The following FSTL5 variants were observed in gnomAD, a reference collection of about 807,000 sequenced individuals.
FSTL5 encodes follistatin-related protein 5.
A neutral mutation model predicts 89.1 loss-of-function variants in FSTL5; 62 were observed. The observed-to-expected ratio is 0.70, with a 90% CI of 0.57 to 0.86. FSTL5 has a LOEUF of 0.86. FSTL5 is among the 40% of genes least tolerant of loss of function. The pLI is 0.00. For synonymous variants in FSTL5, 383 were observed against 346.2 expected, an observed-to-expected ratio of 1.11 and a Z score of -1.18; for missense variants, 1,057 against 1,001.6, an observed-to-expected ratio of 1.06 and a Z score of -0.75.
chr4:161,433,488 A>G (rs944935232), intron 15 of FSTL5, among the ~76,000 whole-genome samples: 1 of 152,110 alleles, frequency 6.6e-6, no homozygotes, highest in African/African-American at 2.4e-5. Flanking sequence ...CCTTTCCTCT[A>G]AGAGCTGAAA....
chr4:161,842,346 C>T (rs9308038), intron 4 of FSTL5, among the ~76,000 whole-genome samples: 1 of 151,952 alleles, frequency 6.6e-6, no homozygotes, highest in Non-Finnish European at 1.5e-5. Flanking sequence ...AAAATGAACA[C>T]CAGTATAATC....
chr4:161,794,281 T>C (rs770131141), intron 4 of FSTL5, among the ~76,000 whole-genome samples: 5 of 152,112 alleles, frequency 3.3e-5, no homozygotes, highest in Non-Finnish European at 7.4e-5. Context: ...ACAGACCCAG[T>C]TTCAGACTTT....
chr4:162,011,052 C>A (rs1001297080), intron 3 of FSTL5, among the ~76,000 whole-genome samples: 1 of 152,064 alleles, frequency 6.6e-6, no homozygotes, highest in African/African-American at 2.4e-5. Flanking sequence ...AACATCAGAA[C>A]AGTTTACAGA....
chr4:161,579,924 G>C (rs542342083), intron 8 of FSTL5, among the ~76,000 whole-genome samples: 1 of 152,114 alleles, frequency 6.6e-6, no homozygotes, highest in Admixed American at 6.5e-5. Flanking sequence ...TGGTTCTTTG[G>C]ACTTTGCATG....
intron 3 of FSTL5, among the ~76,000 whole-genome samples, chr4:161,954,491 C>T (rs1487135613): frequency 6.7e-6 from 1 of 149,224 alleles, no homozygotes; most frequent in Non-Finnish European, 1.5e-5. Flanking sequence ...CTTCAGACCA[C>T]CCATTGCATA....
chr4:161,461,369 G>A (rs1407228747), intron 13 of FSTL5, among the ~76,000 whole-genome samples: 5 of 146,240 alleles, frequency 3.4e-5, no homozygotes, highest in Non-Finnish European at 7.5e-5. Context: ...GGCTGAGGCA[G>A]GAGAATGGCA....
chr4:161,839,567 C>T (rs1366699328), intron 4 of FSTL5, among the ~76,000 whole-genome samples: 1 of 151,936 alleles, frequency 6.6e-6, no homozygotes. Flanking sequence ...ATGTGAATCT[C>T]ACAAACTATA....
chr4:161,592,173 C>T (rs1560969302), intron 7 of FSTL5, among the ~76,000 whole-genome samples: 1 of 152,132 alleles, frequency 6.6e-6, no homozygotes, highest in Admixed American at 6.6e-5. Flanking sequence ...AGTCAAAAGA[C>T]AACATTGTGA....
At chr4:162,051,039 A>C (rs1738362095) in intron 2 of FSTL5, among the ~76,000 whole-genome samples, 1 of 151,516 alleles carries the variant, frequency 6.6e-6, no homozygotes, top group Non-Finnish European at 1.5e-5. Context: ...AATATGGTCT[A>C]GTAATGTATT....
chr4:161,595,289 TAG>T (rs1231530632), intron 7 of FSTL5, among the ~76,000 whole-genome samples: 1 of 151,904 alleles, frequency 6.6e-6, no homozygotes, highest in African/African-American at 2.4e-5. Flanking sequence ...GTTATGACCT[TAG>T]AACAGACACT....
At chr4:162,052,615 C>T (rs143746226) in intron 2 of FSTL5, among the ~76,000 whole-genome samples, 203 of 151,718 alleles carry the variant, frequency 1.3e-3, no homozygotes, top group African/African-American at 4.5e-3. Context: ...CAATTCATGT[C>T]GTCATTGATT....
At chr4:161,828,940 T>C (rs1730752016) in intron 4 of FSTL5, among the ~76,000 whole-genome samples, 2 of 151,972 alleles carry the variant, frequency 1.3e-5, no homozygotes, top group African/African-American at 4.8e-5. Context: ...GAAGTTTTTT[T>C]CCAAGGCTAT....
chr4:161,664,337 C>CGATATTT (rs1368272911), intron 6 of FSTL5, among the ~76,000 whole-genome samples: 1 of 152,128 alleles, frequency 6.6e-6, no homozygotes, highest in Non-Finnish European at 1.5e-5. Context: ...TTAGTAGCAC[C>CGATATTT]CAAATCACCT....
intron 4 of FSTL5, among the ~76,000 whole-genome samples, chr4:161,876,052 A>T (rs1579161335): frequency 6.6e-6 from 1 of 152,208 alleles, no homozygotes; most frequent in Non-Finnish European, 1.5e-5. Flanking sequence ...ACTCATAAAG[A>T]TGTAAAGATA....
intron 7 of FSTL5, among the ~76,000 whole-genome samples, chr4:161,596,256 TAC>T (rs1734008310): frequency 6.6e-6 from 1 of 151,784 alleles, no homozygotes; most frequent in Admixed American, 6.6e-5. Flanking sequence ...ATTTGGTAAA[TAC>T]ATCATTTAAA....
chr4:161,543,816 T>C (rs1398152930), intron 8 of FSTL5, among the ~76,000 whole-genome samples: 1 of 151,960 alleles, frequency 6.6e-6, no homozygotes, highest in Non-Finnish European at 1.5e-5. Flanking sequence ...GAAGAAAACA[T>C]TGAGTAAATG....
rs1730366274 is a variant in FSTL5 at position 161,503,351 on chromosome 4, C to G, written c.1340-3217G>C. Among the ~76,000 whole-genome samples the G allele has an allele frequency of 2.0e-5, 3 of 151,730 alleles. No individual in the cohort carries two copies. The South Asian group carries it at 6.2e-4, about 32-fold the overall frequency. On this transcript the variant is annotated intron_variant, in intron 11 of 15. Transcript: ENST00000306100. ...GACTTTGATAACTATTCTCATTTCT[C>G]CTCAAACCCATATATGCTAAATTTT...
chr4:161,678,177 A>G (rs1253882699), intron 6 of FSTL5, among the ~76,000 whole-genome samples: 1 of 151,788 alleles, frequency 6.6e-6, no homozygotes, highest in Non-Finnish European at 1.5e-5. Context: ...GATACTTACT[A>G]TATAATATGT....
intron 4 of FSTL5, among the ~76,000 whole-genome samples, chr4:161,803,235 A>C (rs923083950): frequency 9.2e-5 from 14 of 151,930 alleles, no homozygotes; most frequent in Non-Finnish European, 1.9e-4. Context: ...TCATGCTACG[A>C]CTATATCTAC....
Sources: gnomAD v4.1 joint callset for allele counts (sites outside exome capture counted in the v4.1 genomes callset) on GRCh38, gnomAD v4.1.1 for gene constraint, MANE v1.5 for transcripts, NCBI Gene and HGNC (gene_info 2026-07-23, HGNC 2026-07-21) for gene names.